Variants in ULK4 observed in about 807,000 individuals in gnomAD.
ULK4 encodes the protein unc-51 like kinase 4.
ULK4 carries 133 observed loss-of-function variants against 160.6 expected under a neutral mutation model. The ratio of observed to expected loss-of-function variants is 0.83; its 90% CI spans 0.72 to 0.96. The LOEUF (loss-of-function observed/expected upper bound fraction) is 0.96, where lower values mean the gene tolerates loss of function less well. ULK4 is among the 40% of genes least tolerant of loss of function. The pLI is 0.00. For missense variants in ULK4, 1,580 were observed against 1,499.5 expected (o/e 1.05, Z -0.89); for synonymous variants, 534 against 539.8 (o/e 0.99, Z 0.15).
intron 32 of ULK4, among the ~76,000 whole-genome samples, chr3:41,509,385 G>A (rs796728859): frequency 2.6e-5 from 4 of 152,170 alleles, no homozygotes; most frequent in Admixed American, 6.5e-5. Flanking sequence ...ACATGTAAAA[G>A]TTTGGAAAAC....
At chr3:41,566,794 T>C (rs1299414618) in intron 31 of ULK4, among the ~76,000 whole-genome samples, 2 of 152,228 alleles carry the variant, frequency 1.3e-5, no homozygotes, top group African/African-American at 4.8e-5. Context: ...CCCTTTTTCA[T>C]TGCTGTGAAT....
intron 5 of ULK4, among the ~76,000 whole-genome samples, chr3:41,926,256 G>A (rs1244753556): frequency 2.0e-5 from 3 of 152,096 alleles, no homozygotes; most frequent in Admixed American, 1.3e-4. Flanking sequence ...TGAAGCGGAG[G>A]GGCCTGTTAG....
At chr3:41,821,952 C>A (rs28733681) in intron 18 of ULK4, among the ~76,000 whole-genome samples, 38,718 of 152,068 alleles carry the variant, frequency 0.25, 6,101 homozygotes, top group African/African-American at 0.45. Flanking sequence ...GCCCTACTGA[C>A]TTTCCCTTTC....
intron 35 of ULK4, among the ~76,000 whole-genome samples, chr3:41,346,743 G>A (rs1270354505): frequency 6.6e-6 from 1 of 152,190 alleles, no homozygotes; most frequent in Non-Finnish European, 1.5e-5. Context: ...TAAGTCTGAA[G>A]TAAAAGTAAT....
rs145240799 is a variant in ULK4, at chr3:41,271,093, T to C, written c.3679-21519A>G. ...GCTTTACTGAAGTTTAACTGACATA[T>C]AGTAAACTATACAATTTGCTAAGTT... On this transcript the variant is annotated intron_variant, in intron 35 of 36. Transcript: ENST00000301831. 3.8e-4 allele frequency among the ~76,000 whole-genome samples: 58 copies of C among 152,340 alleles called. 1 individual carries two copies. In the East Asian group the frequency reaches 9.1e-3, roughly 24 times the overall value.
intron 17 of ULK4, among the ~76,000 whole-genome samples, chr3:41,848,103 AT>A (rs1336802498): frequency 6.6e-6 from 1 of 152,200 alleles, no homozygotes; most frequent in African/African-American, 2.4e-5. Context: ...GGCATCTGTA[AT>A]TGGCATCTAA....
At chr3:41,960,374 T>A (rs1700626878) in intron 1 of ULK4, among the ~76,000 whole-genome samples, 1 of 151,982 alleles carries the variant, frequency 6.6e-6, no homozygotes, top group Non-Finnish European at 1.5e-5. Flanking sequence ...ATTTTCTTTT[T>A]TTTTTTTGGA....
intron 5 of ULK4, among the ~76,000 whole-genome samples, chr3:41,928,879 G>C (rs1158107600): frequency 6.6e-6 from 1 of 152,094 alleles, no homozygotes; most frequent in Non-Finnish European, 1.5e-5. Context: ...TCCAGGACCA[G>C]AAAGATTCAC....
intron 19 of ULK4, among the ~76,000 whole-genome samples, chr3:41,808,565 A>G (rs2040723184): frequency 6.6e-6 from 1 of 152,240 alleles, no homozygotes; most frequent in African/African-American, 2.4e-5. Context: ...GCTAATGCCT[A>G]TTGCTTAAAT....
chr3:41,595,662 G>A (rs568927628), intron 31 of ULK4, among the ~76,000 whole-genome samples: 1 of 152,286 alleles, frequency 6.6e-6, no homozygotes, highest in Non-Finnish European at 1.5e-5. Flanking sequence ...AGCCAACACA[G>A]AAGAATGTCT....
At chr3:41,734,126 G>C (rs192251021) in intron 22 of ULK4, among the ~76,000 whole-genome samples, 1 of 152,254 alleles carries the variant, frequency 6.6e-6, no homozygotes, top group East Asian at 1.9e-4. Context: ...AGGAAGATCA[G>C]TTAGGAGACC....
chr3:41,330,908 A>G (rs2080428831), intron 35 of ULK4, among the ~76,000 whole-genome samples: 2 of 152,206 alleles, frequency 1.3e-5, no homozygotes, highest in South Asian at 4.1e-4. Flanking sequence ...AATCTCTGCC[A>G]GTCTCTACTG....
rs568406782 is a variant in ULK4 at position 41,574,531 on chromosome 3, C to CTTTT, written c.3121-8405_3121-8402dup. Among the ~76,000 whole-genome samples the CTTTT allele has an allele frequency of 6.9e-3, 631 of 92,100 alleles. 129 individuals carry two copies. The highest frequency in any genetic ancestry group is 0.012 in the East Asian group (27 of 2,242). 60.4% of individuals were successfully genotyped at this position (92,100 alleles called of 152,430 possible). ...CCTCCACTACTGCTACCAGAGTCCT[C>CTTTT]TTTTTTTTTTTTTTTTTTTTTTTTT... On this transcript the variant is annotated intron_variant, in intron 31 of 36. Coordinates refer to ENST00000301831, the MANE Select transcript of ULK4 (RefSeq NM_017886.4).
intron 30 of ULK4, among the ~76,000 whole-genome samples, chr3:41,662,713 C>T (rs907321808): frequency 2.6e-5 from 4 of 152,172 alleles, no homozygotes; most frequent in South Asian, 2.1e-4. Context: ...TCCTCAGATA[C>T]CACCTGTACA....
rs373434992 is a variant in ULK4, at chr3:41,800,301, G to C, written c.1849-8C>G. On this transcript the variant is annotated splice_region_variant and splice_polypyrimidine_tract_variant and intron_variant, in intron 19 of 36. Transcript: ENST00000301831. The stretch of plus-strand genomic sequence containing the variant: ...ATTCACAACACGCTCTTCCTATAGA[G>C]AAAGGAGATTAAAATAATATTAGTG... The C allele has an allele frequency of 1.5e-4, 241 of 1,601,616 alleles. No homozygotes were observed. Among genetic ancestry groups the C allele is most frequent in the Middle Eastern group, 6.8e-4 (4 of 5,922 alleles).
chr3:41,566,210 C>A (rs1565957), intron 31 of ULK4, 80 bp from the exon 32 acceptor site: 87 of 1,165,798 alleles, frequency 7.5e-5, no homozygotes, highest in Non-Finnish European at 1.0e-4. Context: ...CAAATGATGT[C>A]CACTGCTTCA....
intron 22 of ULK4, among the ~76,000 whole-genome samples, chr3:41,751,968 G>C (rs575344192): frequency 1.3e-5 from 2 of 152,188 alleles, no homozygotes; most frequent in Non-Finnish European, 2.9e-5. Flanking sequence ...TAACACAAGG[G>C]CAAGAACTAG....
chr3:41,870,177 AG>A (rs1264211631), intron 17 of ULK4, among the ~76,000 whole-genome samples: 1 of 152,206 alleles, frequency 6.6e-6, no homozygotes, highest in Non-Finnish European at 1.5e-5. Context: ...TGATGAGCCT[AG>A]ATGTAGTCCT....
intron 20 of ULK4, among the ~76,000 whole-genome samples, chr3:41,793,608 A>G (rs1158260625): frequency 1.3e-5 from 2 of 152,132 alleles, no homozygotes; most frequent in African/African-American, 4.8e-5. Context: ...CTCCAACCCT[A>G]GTGAGAACCA....
Sources: gnomAD v4.1 joint callset for allele counts (sites outside exome capture counted in the v4.1 genomes callset) on GRCh38, gnomAD v4.1.1 for gene constraint, MANE v1.5 for transcripts, NCBI Gene and HGNC (gene_info 2026-07-23, HGNC 2026-07-21) for gene names.